The following THSD7A variants were observed in gnomAD, a reference collection of about 807,000 sequenced individuals.
The protein encoded by THSD7A is thrombospondin type 1 domain containing 7A.
THSD7A carries 96 observed loss-of-function variants against 231.3 expected under a neutral mutation model. The observed-to-expected ratio is 0.41, with a 90% CI of 0.35 to 0.49. The LOEUF (loss-of-function observed/expected upper bound fraction) is 0.49, where lower values mean the gene tolerates loss of function less well. THSD7A is among the 20% of genes least tolerant of loss of function. The pLI is 0.05. For synonymous variants in THSD7A, 940 were observed against 743.3 expected (o/e 1.26, Z -4.30); for missense variants, 2,290 against 2,070.2 (o/e 1.11, Z -2.06).
intron 4 of THSD7A, among the ~76,000 whole-genome samples, chr7:11,561,182 G>T (rs905476470): frequency 6.6e-6 from 1 of 152,024 alleles, no homozygotes; most frequent in East Asian, 1.9e-4. Context: ...ACATGACAGG[G>T]TTTCAATAAT....
chr7:11,567,960 T>C (rs955550907), intron 4 of THSD7A, among the ~76,000 whole-genome samples: 2 of 152,200 alleles, frequency 1.3e-5, no homozygotes, highest in Admixed American at 6.5e-5. Flanking sequence ...AGTCCTTACA[T>C]TTTATCTCAC....
At chr7:11,754,076 A>G (rs1187463714) in intron 1 of THSD7A, among the ~76,000 whole-genome samples, 2 of 152,064 alleles carry the variant, frequency 1.3e-5, no homozygotes, top group Non-Finnish European at 1.5e-5. Flanking sequence ...TGGCCTTAAT[A>G]TAAGGAAAAA....
In THSD7A at chr7:11,820,523, C is replaced by T. The variant is rs540486896; in HGVS notation, c.190+11234G>A. 1.0e-3 allele frequency: 783 copies of T among 749,566 alleles called. 13 individuals are homozygous for T. In the South Asian group the frequency reaches 0.015, roughly 14 times the overall value. 46.4% of individuals were successfully genotyped at this position (749,566 alleles called of 1,614,324 possible). A position where few individuals can be genotyped will look rare whatever the true frequency, so the allele number is the denominator to read the frequency against. ...TTTTGGGTGTGTAATCTAGGTCCCA[C>T]TCCTCTTACCGGTTTCTTTTTTGAA... On this transcript the variant is annotated intron_variant, in intron 1 of 27. Coordinates refer to ENST00000423059, the MANE Select transcript of THSD7A (RefSeq NM_015204.3).
At chr7:11,540,294 C>T (rs1197340732) in intron 6 of THSD7A, among the ~76,000 whole-genome samples, 2 of 152,108 alleles carry the variant, frequency 1.3e-5, no homozygotes, top group Non-Finnish European at 2.9e-5. Context: ...TATATTAGAC[C>T]CTGGACAAAG....
chr7:11,623,932 T>C (rs1781397740), intron 2 of THSD7A, among the ~76,000 whole-genome samples: 1 of 152,182 alleles, frequency 6.6e-6, no homozygotes, highest in African/African-American at 2.4e-5. Context: ...ATACATATTA[T>C]TTGAGAAAGA....
intron 23 of THSD7A, among the ~76,000 whole-genome samples, chr7:11,393,972 C>A (rs910099090): frequency 6.6e-6 from 1 of 151,978 alleles, no homozygotes; most frequent in Non-Finnish European, 1.5e-5. Context: ...ACTTCCCCAA[C>A]CTAGCAAGAC....
chr7:11,679,725 G>A lies in THSD7A; in HGVS notation c.191-42764C>T, dbSNP rs534413809. On this transcript the variant is annotated intron_variant, in intron 1 of 27. Transcript: ENST00000423059. ...ACAAACAAATGGAAAAGCATTCCAT[G>A]CTCATGGATAGGAAGAATCAATATT... 2.4e-4 allele frequency among the ~76,000 whole-genome samples: 36 copies of A among 152,274 alleles called. No homozygotes were observed. In the South Asian group the frequency reaches 7.1e-3, roughly 30 times the overall value.
At chr7:11,512,382 C>A (rs569541828) in intron 6 of THSD7A, among the ~76,000 whole-genome samples, 1 of 152,086 alleles carries the variant, frequency 6.6e-6, no homozygotes, top group African/African-American at 2.4e-5. Context: ...TGTGGCGATT[C>A]CTCAAGGATC....
At chr7:11,394,713 A>C (rs1372614320) in intron 23 of THSD7A, among the ~76,000 whole-genome samples, 1 of 152,184 alleles carries the variant, frequency 6.6e-6, no homozygotes, top group Admixed American at 6.5e-5. Flanking sequence ...TACACTGAAT[A>C]AAAGCATGCA....
chr7:11,593,514 C>T lies in THSD7A; in HGVS notation c.1023-12G>A. On this transcript the variant is annotated splice_polypyrimidine_tract_variant and intron_variant, in intron 2 of 27. Coordinates refer to ENST00000423059, the MANE Select transcript of THSD7A (RefSeq NM_015204.3). ...CTTGCTGGCAAAAGCTGTAAAAGAG[C>T]ATTGATATTCTCATTACAGACTCAC... The T allele has an allele frequency of 6.2e-7, 1 of 1,612,484 alleles. No homozygotes were observed. Among genetic ancestry groups the T allele is most frequent in the Non-Finnish European group, 8.5e-7 (1 of 1,178,794 alleles).
chr7:11,593,115 A>C (rs1259422409), intron 3 of THSD7A, 139 bp downstream of exon 3: 3 of 1,171,236 alleles, frequency 2.6e-6, no homozygotes, highest in Admixed American at 5.9e-5. Flanking sequence ...CTGTAAAAAA[A>C]GTTTTTTTTA....
At chr7:11,545,969 C>T (rs915820618) in intron 4 of THSD7A, among the ~76,000 whole-genome samples, 38 of 152,246 alleles carry the variant, frequency 2.5e-4, no homozygotes, top group African/African-American at 9.1e-4. Context: ...CCCTATCTTC[C>T]AGCCCGTCCC....
intron 8 of THSD7A, 77 bp from the exon 9 acceptor site, chr7:11,470,071 C>A: frequency 1.8e-5 from 20 of 1,091,292 alleles, no homozygotes; most frequent in Non-Finnish European, 2.7e-5. Context: ...CTAGAATTTT[C>A]ACTGGTAAAA....
At chr7:11,493,965 C>G (rs1018656335) in intron 6 of THSD7A, among the ~76,000 whole-genome samples, 1 of 152,008 alleles carries the variant, frequency 6.6e-6, no homozygotes, top group African/African-American at 2.4e-5. Context: ...GAAACACACA[C>G]ACACATACAC....
chr7:11,593,263 G>A lies in THSD7A; in HGVS notation c.1262C>T (p.Pro421Leu). 24 of 1,613,856 alleles carry A rather than the reference G, an allele frequency of 1.5e-5. No individual in the cohort carries two copies. The highest frequency in any genetic ancestry group is 2.0e-5 in the Non-Finnish European group (24 of 1,179,864). ...TTCTTTATTTACTCACGTGGCACAG[G>A]GGACAACTCCATCTCCTTGAGACAA... The part of the protein sequence containing the change: ...PCLSQGDGVV[P>L]CATYGWRTTE... The change falls in exon 3 of 28, where the codon CCC becomes CTC. Residue 421 changes from proline to leucine, a missense_variant. By Grantham distance (98) the Pro-to-Leu change is moderately conservative. Transcript: ENST00000423059.
chr7:11,698,418 A>G (rs1424384581), intron 1 of THSD7A, among the ~76,000 whole-genome samples: 1 of 151,368 alleles, frequency 6.6e-6, no homozygotes, highest in East Asian at 2.0e-4. Context: ...TGCTGCAAGG[A>G]GACAAGACCC....
chr7:11,658,775 G>A (rs2128372192), intron 1 of THSD7A, among the ~76,000 whole-genome samples: 1 of 151,736 alleles, frequency 6.6e-6, no homozygotes, highest in South Asian at 2.1e-4. Flanking sequence ...CTAAAGCAGA[G>A]GCTACTAGTG....
At chr7:11,691,141 G>T (rs988063349) in intron 1 of THSD7A, among the ~76,000 whole-genome samples, 1 of 151,564 alleles carries the variant, frequency 6.6e-6, no homozygotes, top group Non-Finnish European at 1.5e-5. Flanking sequence ...TCACATTCAT[G>T]CATTTTTAAA....
intron 1 of THSD7A, among the ~76,000 whole-genome samples, chr7:11,674,757 A>G (rs144979215): frequency 2.6e-5 from 4 of 152,270 alleles, no homozygotes; most frequent in African/African-American, 9.6e-5. Context: ...AAAAATCCAG[A>G]GTGTTTAATC....
Sources: allele counts gnomAD v4.1 joint callset (sites outside exome capture counted in the v4.1 genomes callset), GRCh38; gene constraint gnomAD v4.1.1; transcripts MANE v1.5; gene names NCBI Gene and HGNC (gene_info 2026-07-23, HGNC 2026-07-21).